The following NID1 variants were observed in gnomAD, a reference collection of about 807,000 sequenced individuals.
The protein encoded by NID1 is nidogen-1.
A neutral mutation model predicts 130.6 loss-of-function variants in NID1; 76 were observed. The ratio of observed to expected loss-of-function variants is 0.58; its 90% CI spans 0.48 to 0.70. The LOEUF (loss-of-function observed/expected upper bound fraction) is 0.70. Among genes scored for constraint, NID1 ranks in the 30% least tolerant of loss-of-function variants. NID1 has a pLI of 0.00. For missense variants in NID1, 1,517 were observed against 1,664.8 expected, an observed-to-expected ratio of 0.91 and a Z score of 1.54; for synonymous variants, 665 against 675.1, an observed-to-expected ratio of 0.98 and a Z score of 0.23.
chr1:236,003,438 CA>C (rs1658145762), intron 12 of NID1, among the ~76,000 whole-genome samples: 1 of 152,194 alleles, frequency 6.6e-6, no homozygotes, highest in Non-Finnish European at 1.5e-5. Context: ...TTCATGCATT[CA>C]ATGGGGCTAA....
intron 1 of NID1, among the ~76,000 whole-genome samples, chr1:236,055,375 T>C (rs1305115487): frequency 6.6e-6 from 1 of 151,986 alleles, no homozygotes; most frequent in Non-Finnish European, 1.5e-5. Flanking sequence ...AGTGAGGACA[T>C]CAATGAAAGA....
At chr1:236,002,763 T>C (rs1443410566) in intron 12 of NID1, among the ~76,000 whole-genome samples, 1 of 152,056 alleles carries the variant, frequency 6.6e-6, no homozygotes, top group Admixed American at 6.5e-5. Context: ...CAGCGATCAC[T>C]CCGCGGATTT....
intron 3 of NID1, among the ~76,000 whole-genome samples, chr1:236,045,044 C>A (rs1392913752): frequency 1.3e-5 from 2 of 151,788 alleles, no homozygotes; most frequent in African/African-American, 4.8e-5. Flanking sequence ...ACTAAAAATA[C>A]AAGAATTAGC....
In NID1 at chr1:236,011,931, G is replaced by A. The variant is rs775151010; in HGVS notation, c.2517C>T (p.Cys839=). The A allele has an allele frequency of 6.8e-6, 11 of 1,613,922 alleles. No homozygotes were observed. The highest frequency in any genetic ancestry group is 3.3e-5 in the South Asian group (3 of 91,068). Residue 839 remains cysteine (C), a synonymous_variant, in exon 12 of 20, where the codon TGC becomes TGT. Transcript: ENST00000264187. ...KPGYQGDGFR[C]VPGEVEKTRC... ...GTCCCACCACCTTACCTCCGGGCAC[G>A]CAACGGAAGCCGTCTCCCTGATAAC...
chr1:236,001,357 G>A (rs1424177546), intron 12 of NID1, among the ~76,000 whole-genome samples: 2 of 151,774 alleles, frequency 1.3e-5, no homozygotes, highest in South Asian at 2.1e-4. Context: ...CACCCGCCTC[G>A]GCCTCCCAAA....
rs141204959 is a variant in NID1, at chr1:236,017,204, G to C, written c.2198C>G (p.Thr733Ser). 10 of 1,614,138 alleles carry C rather than the reference G, an allele frequency of 6.2e-6. No homozygotes were observed. Among genetic ancestry groups the C allele is most frequent in the Admixed American group, 5.0e-5 (3 of 60,018 alleles). The change falls in exon 10 of 20, where the codon ACC becomes AGC. Residue 733 changes from threonine to serine, a missense_variant. By Grantham distance (58) the Thr-to-Ser change is moderately conservative (BLOSUM62 1). Transcript: ENST00000264187. ...SHTICNNHPG[T>S]FRCECVEGYQ... Reference sequence around the variant, plus strand: ...GCCCTCCACACACTCGCAGCGGAAGGTTCCTGGGTGATTATTGCAGATTGT... The same window carrying C: ...GCCCTCCACACACTCGCAGCGGAAGCTTCCTGGGTGATTATTGCAGATTGT...
At chr1:236,023,989 C>G in intron 9 of NID1, 81 bp downstream of exon 9, 1 of 1,559,636 alleles carries the variant, frequency 6.4e-7, no homozygotes, top group Non-Finnish European at 8.7e-7. Context: ...TTGCTGCACC[C>G]AGTTCTCTGG....
At chr1:236,036,271 T>C (rs1212421120) in intron 5 of NID1, among the ~76,000 whole-genome samples, 2 of 152,210 alleles carry the variant, frequency 1.3e-5, no homozygotes, top group African/African-American at 4.8e-5. Flanking sequence ...TAGAAGTTAA[T>C]AACATCCCCT....
chr1:236,034,671 A>G (rs1042321411), intron 5 of NID1, among the ~76,000 whole-genome samples: 1 of 152,150 alleles, frequency 6.6e-6, no homozygotes, highest in Non-Finnish European at 1.5e-5. Flanking sequence ...ACTAATGGAC[A>G]CGGTGTTTCT....
chr1:236,060,477 T>C (rs1467623639), intron 1 of NID1, among the ~76,000 whole-genome samples: 1 of 152,180 alleles, frequency 6.6e-6, no homozygotes, highest in Non-Finnish European at 1.5e-5. Flanking sequence ...TGCAGTCCAG[T>C]AGGTCTCAGC....
chr1:236,052,586 T>A (rs1659790432), intron 1 of NID1, among the ~76,000 whole-genome samples: 1 of 152,172 alleles, frequency 6.6e-6, no homozygotes, highest in African/African-American at 2.4e-5. Context: ...AACGTTGTTT[T>A]GTTATAACGT....
intron 13 of NID1, among the ~76,000 whole-genome samples, chr1:235,991,420 C>A (rs917896648): frequency 6.6e-6 from 1 of 152,120 alleles, no homozygotes; most frequent in Admixed American, 6.5e-5. Flanking sequence ...GCAACCTCTG[C>A]CTGCCTGGTT....
At chr1:236,014,849 C>T (rs1658540695) in intron 10 of NID1, among the ~76,000 whole-genome samples, 2 of 152,212 alleles carry the variant, frequency 1.3e-5, no homozygotes, top group South Asian at 4.1e-4. Context: ...TCTACATCTT[C>T]ACATCAAGCT....
intron 6 of NID1, among the ~76,000 whole-genome samples, chr1:236,031,363 G>A (rs1419417837): frequency 6.6e-6 from 1 of 152,274 alleles, no homozygotes; most frequent in Non-Finnish European, 1.5e-5. Context: ...TGTGATCCAT[G>A]TGCCTCGGCC....
In NID1 at chr1:235,985,477, T is replaced by C; in HGVS notation, c.2957A>G (p.Asp986Gly). ...CCAGTAAACCATCTTGTCCACGCAGTCAAAGGCCAGTCCAATGATGACTTT... is the reference window on the plus strand; with the variant it reads ...CCAGTAAACCATCTTGTCCACGCAGCCAAAGGCCAGTCCAATGATGACTTT... ...PAKVIIGLAF[D>G]CVDKMVYWTD... The change falls in exon 15 of 20, where the codon GAC becomes GGC. Residue 986 changes from aspartate to glycine, a missense_variant. Physicochemically the swap from Asp to Gly is moderately conservative, Grantham distance 94 (BLOSUM62 -1). Transcript: ENST00000264187. 1 of 1,614,142 alleles carries C rather than the reference T, an allele frequency of 6.2e-7. No homozygotes were observed. Among genetic ancestry groups the C allele is most frequent in the Non-Finnish European group, 8.5e-7 (1 of 1,179,998 alleles).
chr1:236,042,876 G>A (rs1453540280), intron 3 of NID1, among the ~76,000 whole-genome samples: 1 of 152,222 alleles, frequency 6.6e-6, no homozygotes, highest in Admixed American at 6.5e-5. Flanking sequence ...GAAAGACCAA[G>A]GCATGATTAG....
At chr1:236,048,657 A>G (rs1460619027) in intron 2 of NID1, 33 bp downstream of exon 2, 5 of 1,598,646 alleles carry the variant, frequency 3.1e-6, no homozygotes, top group Middle Eastern at 2.3e-4. Flanking sequence ...AATGTGTCTG[A>G]TTACCTGCAC....
At chr1:235,986,866 T>C (rs543165605) in intron 14 of NID1, among the ~76,000 whole-genome samples, 1 of 152,320 alleles carries the variant, frequency 6.6e-6, no homozygotes, top group African/African-American at 2.4e-5. Context: ...CCTATCAACT[T>C]CTCTGGCCTT....
At position 236,029,644 on chromosome 1, in the gene NID1, G is replaced by A. The variant is rs771329126; in HGVS notation, c.1644C>T (p.Ile548=). 3.7e-6 allele frequency: 6 copies of A among 1,613,136 alleles called. No homozygotes were observed. The highest frequency in any genetic ancestry group is 3.3e-5 in the Admixed American group (2 of 59,888). ...GCACGCGGCCCTCCAGCTCCGTGTC[G>A]ATGGTCAGGTGCCCATGCTCATCGA... The part of the protein sequence containing the change: ...SGIDEHGHLT[I]DTELEGRVPQ... The change falls in exon 7 of 20, where the codon ATC becomes ATT. Residue 548 remains isoleucine (I), a synonymous_variant. Transcript: ENST00000264187.
Sources: gnomAD v4.1 joint callset for allele counts (sites outside exome capture counted in the v4.1 genomes callset) on GRCh38, gnomAD v4.1.1 for gene constraint, MANE v1.5 for transcripts, NCBI Gene and HGNC (gene_info 2026-07-23, HGNC 2026-07-21) for gene names.